The following ARFGEF1 variants were observed in gnomAD, a reference collection of about 807,000 sequenced individuals.
ARFGEF1 encodes the protein brefeldin A-inhibited guanine nucleotide-exchange protein 1.
A neutral mutation model predicts 231.0 loss-of-function variants in ARFGEF1; 42 were observed. The ratio of observed to expected loss-of-function variants is 0.18; its 90% CI spans 0.14 to 0.24. The LOEUF is 0.24. ARFGEF1 is among the 10% of genes least tolerant of loss of function. The pLI is 1.00. For missense variants in ARFGEF1, 1,345 were observed against 2,192.0 expected, an observed-to-expected ratio of 0.61 and a Z score of 7.72; for synonymous variants, 710 against 732.3, an observed-to-expected ratio of 0.97 and a Z score of 0.49.
In ARFGEF1 at chr8:67,218,191, T is replaced by TAAAAAA. The variant is rs10719102; in HGVS notation, c.4339-59_4339-54dup. ...CACGCCATTAATCAACTACTATGAT[T>TAAAAAA]AAAAAAAAAAAAAAAAATATATATA... On this transcript the variant is annotated intron_variant, in intron 30 of 38. Transcript: ENST00000262215. 2.2e-4 allele frequency: 34 copies of TAAAAAA among 153,692 alleles called. 1 individual carries two copies. Among genetic ancestry groups the TAAAAAA allele is most frequent in the Admixed American group, 3.0e-4 (2 of 6,766 alleles). The allele number at this position is 153,692 out of a possible 1,614,324, so 9.5% of individuals were successfully genotyped here. A position where few individuals can be genotyped will look rare whatever the true frequency, so the allele number is the denominator to read the frequency against.
intron 6 of ARFGEF1, among the ~76,000 whole-genome samples, chr8:67,289,947 G>C (rs1359503249): frequency 6.6e-6 from 1 of 151,948 alleles, no homozygotes; most frequent in African/African-American, 2.4e-5. Flanking sequence ...ACTAGTGAAG[G>C]GTCAATTTTC....
At chr8:67,221,136 C>G (rs749829141) in intron 29 of ARFGEF1, among the ~76,000 whole-genome samples, 2 of 152,192 alleles carry the variant, frequency 1.3e-5, no homozygotes, top group African/African-American at 4.8e-5. Flanking sequence ...AACAAACCTA[C>G]TGCACTGCCA....
intron 10 of ARFGEF1, 124 bp from the exon 11 acceptor site, chr8:67,267,566 T>TCAA: frequency 1.7e-6 from 1 of 602,506 alleles, no homozygotes; most frequent in South Asian, 2.5e-5. Context: ...GTTCAACTCC[T>TCAA]TTTGAGTTCC....
chr8:67,251,321 T>G lies in ARFGEF1; in HGVS notation c.2828A>C (p.Glu943Ala). 1 of 1,608,832 alleles carries G rather than the reference T, an allele frequency of 6.2e-7. No homozygotes were observed. The highest frequency in any genetic ancestry group is 8.5e-7 in the Non-Finnish European group (1 of 1,177,578). Residue 943 changes from glutamate to alanine, a missense_variant, in exon 19 of 39, where the codon GAG (glutamate) becomes GCG (alanine). Transcript: ENST00000262215. The stretch of plus-strand genomic sequence containing the variant: ...AACCTTAAACATGGGCCTCACATGC[T>G]CCAAATGTGTTGCACTTGTAAAGGG... ...QAPFTSATHL[E>A]HVRPMFKLAW...
chr8:67,270,714 TAAAAA>T (rs11349768), intron 10 of ARFGEF1, among the ~76,000 whole-genome samples: 1 of 127,624 alleles, frequency 7.8e-6, no homozygotes, highest in African/African-American at 2.9e-5. Flanking sequence ...TGGTACACCT[TAAAAA>T]AAAAAAAAAA....
At chr8:67,215,562 G>A (rs2129578023) in intron 33 of ARFGEF1, among the ~76,000 whole-genome samples, 1 of 152,312 alleles carries the variant, frequency 6.6e-6, no homozygotes, top group South Asian at 2.1e-4. Context: ...AAAAAGGAGA[G>A]GGAGAGATTT....
At position 67,310,484 on chromosome 8, in the gene ARFGEF1, A is replaced by C. The variant is rs1004301766; in HGVS notation, c.125-8018T>G. 9.2e-5 allele frequency among the ~76,000 whole-genome samples: 14 copies of C among 152,092 alleles called. 1 individual carries two copies. Among genetic ancestry groups the C allele is most frequent in the Non-Finnish European group, 2.1e-4 (14 of 67,994 alleles). On this transcript the variant is annotated intron_variant, in intron 1 of 38. Transcript: ENST00000262215. Reference sequence around the variant, plus strand: ...CCCAGCCGCCTGCCTTGGCCTCCCAAAGTGCCGAGATTGGAGCCTCTGCCC... The same window carrying C: ...CCCAGCCGCCTGCCTTGGCCTCCCACAGTGCCGAGATTGGAGCCTCTGCCC...
At chr8:67,249,662 G>T (rs907962122) in intron 19 of ARFGEF1, among the ~76,000 whole-genome samples, 2 of 138,788 alleles carry the variant, frequency 1.4e-5, no homozygotes, top group Non-Finnish European at 3.1e-5. Flanking sequence ...TCACTCTGTC[G>T]CCCAGGCTAG....
chr8:67,185,383 G>A (rs1203034891), intron 5 of ARFGEF1, among the ~76,000 whole-genome samples: 1 of 152,182 alleles, frequency 6.6e-6, no homozygotes, highest in Non-Finnish European at 1.5e-5. Context: ...CTTAAAGAAC[G>A]TTCAGTTTAG....
chr8:67,334,991 C>T (rs983481325), intron 1 of ARFGEF1, among the ~76,000 whole-genome samples: 17 of 151,916 alleles, frequency 1.1e-4, no homozygotes, highest in Admixed American at 4.6e-4. Context: ...TACCAAAAAT[C>T]ATTACACTCA....
At chr8:67,306,468 T>C (rs1806750508) in intron 1 of ARFGEF1, among the ~76,000 whole-genome samples, 1 of 152,208 alleles carries the variant, frequency 6.6e-6, no homozygotes, top group Non-Finnish European at 1.5e-5. Flanking sequence ...TTTTTTAAAC[T>C]GAGTATATGC....
intron 17 of ARFGEF1, 73 bp downstream of exon 17, chr8:67,257,659 T>G (rs1310102103): frequency 2.5e-6 from 3 of 1,201,192 alleles, no homozygotes; most frequent in Non-Finnish European, 2.4e-6. Flanking sequence ...ATTTCAACTA[T>G]TACTTACTGA....
At chr8:67,236,365 A>AAATATATAT (rs1554638966) in intron 22 of ARFGEF1, among the ~76,000 whole-genome samples, 1 of 29,064 alleles carries the variant, frequency 3.4e-5, no homozygotes, top group Non-Finnish European at 5.9e-5. Context: ...AAAAAAAAAA[A>AAATATATAT]ATATATATAT....
rs568962007 is a variant in ARFGEF1, at chr8:67,201,872, G to A, written c.5129-267C>T. 2.6e-5 allele frequency: 10 copies of A among 391,036 alleles called. No homozygotes were observed. In the Admixed American group the frequency reaches 4.1e-4, roughly 16 times the overall value. 24.2% of individuals were successfully genotyped at this position (391,036 alleles called of 1,614,324 possible). A position where few individuals can be genotyped will look rare whatever the true frequency, so the allele number is the denominator to read the frequency against. ...CTGCACTTGAATCCCCAAAGCTGTGGAAGGGGCCATGTGCTCTGCCTGCGC... is the reference window on the plus strand; with the variant it reads ...CTGCACTTGAATCCCCAAAGCTGTGAAAGGGGCCATGTGCTCTGCCTGCGC... On this transcript the variant is annotated intron_variant, in intron 36 of 38. Coordinates refer to ENST00000262215, the MANE Select transcript of ARFGEF1 (RefSeq NM_006421.5).
intron 36 of ARFGEF1, 66 bp downstream of exon 36, chr8:67,203,017 G>C: frequency 6.7e-7 from 1 of 1,502,242 alleles, no homozygotes; most frequent in Non-Finnish European, 9.0e-7. Flanking sequence ...TGAGTTCTGA[G>C]ACCTGTATGT....
chr8:67,276,198 T>C, intron 8 of ARFGEF1, 89 bp from the exon 9 acceptor site: 4 of 1,416,724 alleles, frequency 2.8e-6, no homozygotes, highest in Non-Finnish European at 3.9e-6. Flanking sequence ...TTCAATTCAC[T>C]AACAGGTGGA....
chr8:67,258,818 TACACACACACACAC>T lies in ARFGEF1; in HGVS notation c.2236-542_2236-529del, dbSNP rs10576509. Among the ~76,000 whole-genome samples, 239 of 143,036 alleles carry T rather than the reference TACACACACACACAC, an allele frequency of 1.7e-3. 4 individuals are homozygous for T. In the South Asian group the frequency reaches 0.023, roughly 14 times the overall value. 93.8% of individuals were successfully genotyped at this position (143,036 alleles called of 152,430 possible). ...TTTAGAAAATTTAAAAAGCAGATTT[TACACACACACACAC>T]ACACACACACACACACACACACCAG... On this transcript the variant is annotated intron_variant, in intron 15 of 38. Transcript: ENST00000262215.
At chr8:67,305,380 A>G (rs554952407) in intron 1 of ARFGEF1, among the ~76,000 whole-genome samples, 3 of 152,282 alleles carry the variant, frequency 2.0e-5, no homozygotes, top group African/African-American at 7.2e-5. Context: ...GGTGATCCAG[A>G]AACTTGTTTC....
intron 22 of ARFGEF1, among the ~76,000 whole-genome samples, chr8:67,237,017 G>A (rs566940620): frequency 6.6e-6 from 1 of 152,190 alleles, no homozygotes; most frequent in South Asian, 2.1e-4. Flanking sequence ...ACCTAATTCT[G>A]TAGTCCTACT....
Sources: allele counts gnomAD v4.1 joint callset (sites outside exome capture counted in the v4.1 genomes callset), GRCh38; gene constraint gnomAD v4.1.1; transcripts MANE v1.5; gene names NCBI Gene and HGNC (gene_info 2026-07-23, HGNC 2026-07-21).